The following ADGRV1 variants were observed in gnomAD, a reference collection of about 807,000 sequenced individuals.
The protein encoded by ADGRV1 is adhesion G protein-coupled receptor V1.
A neutral mutation model predicts 596.2 loss-of-function variants in ADGRV1; 359 were observed. The observed-to-expected ratio is 0.60, with a 90% CI of 0.55 to 0.66. ADGRV1 has a LOEUF of 0.66. ADGRV1 is among the 30% of genes least tolerant of loss of function. ADGRV1 has a pLI of 0.00. For missense variants in ADGRV1, 7,274 were observed against 7,575.6 expected (o/e 0.96, Z 1.48); for synonymous variants, 2,681 against 2,679.2 (o/e 1.00, Z -0.02).
At chr5:90,799,308 G>A (rs945648973) in intron 70 of ADGRV1, among the ~76,000 whole-genome samples, 4 of 152,088 alleles carry the variant, frequency 2.6e-5, no homozygotes, top group African/African-American at 9.7e-5. Context: ...GCCAGATCAC[G>A]AGTGAACTCC....
chr5:90,693,113 A>T (rs910940494), intron 32 of ADGRV1, among the ~76,000 whole-genome samples: 3 of 151,450 alleles, frequency 2.0e-5, no homozygotes, highest in African/African-American at 7.3e-5. Flanking sequence ...TGTATGATGT[A>T]TGAAGGAGCT....
chr5:90,616,892 C>T (rs1194604135), intron 2 of ADGRV1, among the ~76,000 whole-genome samples: 2 of 152,116 alleles, frequency 1.3e-5, no homozygotes, highest in Non-Finnish European at 2.9e-5. Flanking sequence ...CTTCATTAAC[C>T]TCTTCCCTTC....
At chr5:90,978,104 G>A (rs1779770184) in intron 84 of ADGRV1, among the ~76,000 whole-genome samples, 1 of 151,966 alleles carries the variant, frequency 6.6e-6, no homozygotes, top group Non-Finnish European at 1.5e-5. Flanking sequence ...AGACCATCCT[G>A]GCTAACACAG....
intron 85 of ADGRV1, chr5:91,030,847 AC>A (rs1784423786): frequency 4.8e-6 from 2 of 414,118 alleles, no homozygotes; most frequent in East Asian, 3.6e-5. Context: ...AGATAAAGAT[AC>A]CCCCTAATTA....
chr5:90,955,611 T>C (rs1298541191), intron 83 of ADGRV1, among the ~76,000 whole-genome samples: 1 of 152,232 alleles, frequency 6.6e-6, no homozygotes, highest in South Asian at 2.1e-4. Flanking sequence ...TGCTCTCATA[T>C]TGAAATACTT....
chr5:90,984,145 G>A (rs1780301084), intron 84 of ADGRV1, among the ~76,000 whole-genome samples: 1 of 152,116 alleles, frequency 6.6e-6, no homozygotes. Flanking sequence ...CTCTGAAAAT[G>A]TTGTGACTTG....
chr5:90,715,807 G>T (rs1456570639), intron 42 of ADGRV1, among the ~76,000 whole-genome samples: 1 of 151,876 alleles, frequency 6.6e-6, no homozygotes, highest in East Asian at 1.9e-4. Context: ...TCAATCATAG[G>T]TTCTGTAAAA....
At chr5:90,952,578 G>A (rs929744435) in intron 83 of ADGRV1, among the ~76,000 whole-genome samples, 1 of 152,146 alleles carries the variant, frequency 6.6e-6, no homozygotes, top group Non-Finnish European at 1.5e-5. Flanking sequence ...CATGTAATAT[G>A]ATTAAAGTAC....
chr5:90,976,008 A>G (rs544174732), intron 84 of ADGRV1, among the ~76,000 whole-genome samples: 75 of 152,028 alleles, frequency 4.9e-4, no homozygotes, highest in African/African-American at 1.7e-3. Context: ...GCATATACTA[A>G]TGGTACAAAA....
At chr5:90,680,820 G>A (rs1211641572) in intron 26 of ADGRV1, among the ~76,000 whole-genome samples, 1 of 152,142 alleles carries the variant, frequency 6.6e-6, no homozygotes, top group African/African-American at 2.4e-5. Context: ...TACAGAATGG[G>A]ACTATTTAAG....
chr5:90,868,243 A>G (rs554765267), intron 83 of ADGRV1, among the ~76,000 whole-genome samples: 1 of 152,238 alleles, frequency 6.6e-6, no homozygotes, highest in Non-Finnish European at 1.5e-5. Context: ...CATATAATCA[A>G]GCTATTTTTC....
At chr5:91,163,301 G>T (rs1362600928) in intron 89 of ADGRV1, among the ~76,000 whole-genome samples, 1 of 152,218 alleles carries the variant, frequency 6.6e-6, no homozygotes, top group Non-Finnish European at 1.5e-5. Flanking sequence ...GCACTGGTGT[G>T]ACTCCAGGTG....
intron 83 of ADGRV1, among the ~76,000 whole-genome samples, chr5:90,911,846 G>A (rs1772917358): frequency 6.6e-6 from 1 of 152,022 alleles, no homozygotes; most frequent in Non-Finnish European, 1.5e-5. Flanking sequence ...GATTAAAGTA[G>A]AAACTGTCAT....
chr5:91,156,969 T>A (rs1796529089), intron 89 of ADGRV1, among the ~76,000 whole-genome samples: 2 of 152,344 alleles, frequency 1.3e-5, no homozygotes, highest in South Asian at 4.1e-4. Flanking sequence ...ATATAGAATT[T>A]CTAGAAAAAT....
intron 77 of ADGRV1, among the ~76,000 whole-genome samples, chr5:90,838,856 A>G (rs1765189727): frequency 6.6e-6 from 1 of 152,136 alleles, no homozygotes; most frequent in Admixed American, 6.6e-5. Context: ...CGAGACCCTC[A>G]TCTCGAAAAA....
At chr5:90,733,755 C>T (rs996356101) in intron 50 of ADGRV1, among the ~76,000 whole-genome samples, 2 of 152,104 alleles carry the variant, frequency 1.3e-5, no homozygotes, top group African/African-American at 4.8e-5. Context: ...AAGCTATTAA[C>T]ATATCCATCA....
At position 90,685,836 on chromosome 5, in the gene ADGRV1, A is replaced by G. The variant is rs767049305; in HGVS notation, c.6331A>G (p.Ile2111Val). Residue 2111 changes from isoleucine to valine, a missense_variant, in exon 29 of 90, where the codon ATT (isoleucine) becomes GTT (valine). Ile to Val is a conservative substitution (Grantham distance 29). Around this residue, in one of 5 missense-constraint regions of ADGRV1, gnomAD observed 3,643 missense variants for 3,809.2 expected, o/e 0.96. Coordinates refer to ENST00000405460, the MANE Select transcript of ADGRV1 (RefSeq NM_032119.4). ...AGAAACTATTGCGCAACTAATTATC[A>G]TTGCCAATGATGATGCATTTGGAAC... The part of the protein sequence containing the change: ...KVETIAQLII[I>V]ANDDAFGTLQ... 2 of 1,612,280 alleles carry G rather than the reference A, an allele frequency of 1.2e-6. No homozygotes were observed. The highest frequency in any genetic ancestry group is 1.1e-5 in the South Asian group (1 of 90,874).
chr5:90,899,226 A>C, intron 83 of ADGRV1: 1 of 152,218 alleles, frequency 6.6e-6, no homozygotes, highest in East Asian at 1.9e-4. Context: ...AACTTCCTGG[A>C]TGCTTACTTT....
At chr5:90,586,575 C>T (rs1240264416) in intron 1 of ADGRV1, among the ~76,000 whole-genome samples, 1 of 152,114 alleles carries the variant, frequency 6.6e-6, no homozygotes, top group Non-Finnish European at 1.5e-5. Flanking sequence ...TTTCTTTAGC[C>T]CCCATTTTTC....
Sources: gnomAD v4.1 joint callset for allele counts (sites outside exome capture counted in the v4.1 genomes callset) on GRCh38, gnomAD v4.1.1 for gene constraint, gnomAD v4.1.1 regional missense constraint, MANE v1.5 for transcripts, NCBI Gene and HGNC (gene_info 2026-07-23, HGNC 2026-07-21) for gene names.